The following TPGS2 variants were observed in gnomAD, a reference collection of about 807,000 sequenced individuals.
The protein encoded by TPGS2 is polyglutamylase subunit 2.
TPGS2 carries 26 observed loss-of-function variants against 31.1 expected under a neutral mutation model. The observed-to-expected ratio is 0.84, with a 90% CI of 0.61 to 1.16. TPGS2 has a LOEUF of 1.16. TPGS2 is among the 50% of genes most tolerant of loss of function. The probability of loss-of-function intolerance (pLI) is 0.00; values close to 1 mark genes in which losing one functional copy is unlikely to be tolerated. For synonymous variants in TPGS2, 130 were observed against 136.6 expected, an observed-to-expected ratio of 0.95 and a Z score of 0.34; for missense variants, 351 against 363.8, an observed-to-expected ratio of 0.96 and a Z score of 0.29.
intron 2 of TPGS2, among the ~76,000 whole-genome samples, chr18:36,808,950 C>T (rs1025638693): frequency 6.6e-6 from 1 of 152,138 alleles, no homozygotes; most frequent in Non-Finnish European, 1.5e-5. Flanking sequence ...CCTAGAGTGA[C>T]TTCTTGATGT....
downstream of TPGS2, among the ~76,000 whole-genome samples, chr18:36,791,985 G>A (rs890779686): frequency 1.4e-5 from 2 of 145,994 alleles, no homozygotes. Flanking sequence ...CCATGATTGC[G>A]CCACTGCACT....
chr18:36,826,347 T>C (rs187971111), intron 1 of TPGS2, among the ~76,000 whole-genome samples: 109 of 152,250 alleles, frequency 7.2e-4, no homozygotes, highest in South Asian at 5.6e-3. Flanking sequence ...TTCAATACTA[T>C]TGTAAATTGA....
intron 1 of TPGS2, among the ~76,000 whole-genome samples, chr18:36,822,886 G>A (rs367671682): frequency 3.2e-4 from 49 of 152,252 alleles, no homozygotes; most frequent in African/African-American, 9.4e-4. Flanking sequence ...GGCATGAGCC[G>A]CAGTGCCCAG....
intron 1 of TPGS2, among the ~76,000 whole-genome samples, chr18:36,825,086 T>G (rs2099527095): frequency 1.3e-5 from 2 of 152,194 alleles, no homozygotes; most frequent in South Asian, 4.1e-4. Context: ...TCCAGAACCA[T>G]TTGTTGAAAA....
chr18:36,798,303 G>A lies in TPGS2; in HGVS notation c.657+146C>T, dbSNP rs761431054. On this transcript the variant is annotated intron_variant, in intron 6 of 6. Transcript: ENST00000334295. The stretch of plus-strand genomic sequence containing the variant: ...GTGAGGCTGTCCATTGGAATCATCT[G>A]TCTTGCTTATTGAAAATGCAGGTTC... 1.4e-4 allele frequency: 206 copies of A among 1,492,292 alleles called. 1 individual carries two copies. In the Middle Eastern group the frequency reaches 2.5e-3, roughly 18 times the overall value. 92.4% of individuals were successfully genotyped at this position (1,492,292 alleles called of 1,614,324 possible).
At chr18:36,826,306 T>G (rs2046131101) in intron 1 of TPGS2, among the ~76,000 whole-genome samples, 1 of 152,200 alleles carries the variant, frequency 6.6e-6, no homozygotes. Context: ...ATTACAGGTG[T>G]GAGCCACTGT....
rs1170073829 is a variant in TPGS2, at chr18:36,794,485, G to A, written c.*2320C>T. ...TGGAATCCAGGGCTGATTTAGAAAT[G>A]CTGTGATTCGGGGGATCTCCAAGTA... On this transcript the variant is annotated 3_prime_UTR_variant, in exon 7 of 7. Coordinates refer to ENST00000334295, the MANE Select transcript of TPGS2 (RefSeq NM_015476.4). 4 of 985,328 alleles carry A rather than the reference G, an allele frequency of 4.1e-6. No homozygotes were observed. The highest frequency in any genetic ancestry group is 4.8e-6 in the Non-Finnish European group (4 of 829,956). 61.0% of individuals were successfully genotyped at this position (985,328 alleles called of 1,614,324 possible).
rs969749649 is a variant in TPGS2, at chr18:36,795,096, TC to T, written c.*1708del. 15 of 985,334 alleles carry T rather than the reference TC, an allele frequency of 1.5e-5. No individual in the cohort carries two copies. The African/African-American group carries it at 2.6e-4, about 17-fold the overall frequency. The allele number at this position is 985,334 out of a possible 1,614,324, so 61.0% of individuals were successfully genotyped here. Reference sequence around the variant, plus strand: ...GCCCTGATCCTTGAAGGCTAACTCTTCACCTTGGTTTTCCTCAGGGGCTATG... The same window carrying T: ...GCCCTGATCCTTGAAGGCTAACTCTTACCTTGGTTTTCCTCAGGGGCTATG... On this transcript the variant is annotated 3_prime_UTR_variant, in exon 7 of 7. Transcript: ENST00000334295.
In TPGS2 at chr18:36,795,012, C is replaced by T. The variant is rs1600737418; in HGVS notation, c.*1793G>A. On this transcript the variant is annotated 3_prime_UTR_variant, in exon 7 of 7. Transcript: ENST00000334295. ...GTTTATGCTCCCAAAGACTCTTAAG[C>T]GCTGATATTTCAAGACTTTGAACTA... The T allele has an allele frequency of 3.0e-6, 3 of 985,350 alleles. No homozygotes were observed. The highest frequency in any genetic ancestry group is 3.6e-6 in the Non-Finnish European group (3 of 829,934). 61.0% of individuals were successfully genotyped at this position (985,350 alleles called of 1,614,324 possible).
chr18:36,810,106 A>C (rs1468669747), intron 2 of TPGS2, among the ~76,000 whole-genome samples: 2 of 152,196 alleles, frequency 1.3e-5, no homozygotes, highest in African/African-American at 4.8e-5. Flanking sequence ...CTGTCATTCT[A>C]ATTTAAACGA....
Position 36,795,807 on chromosome 18 carries a change from G to C in TPGS2, c.*998C>G. ...TTGTCCTAAGGATGGCCAGGGACCA[G>C]GCAAAGTGAGGCTGGACAACTCAGA... On this transcript the variant is annotated 3_prime_UTR_variant, in exon 7 of 7. Transcript: ENST00000334295. 6.1e-6 allele frequency: 6 copies of C among 985,476 alleles called. No individual in the cohort carries two copies. The highest frequency in any genetic ancestry group is 7.2e-6 in the Non-Finnish European group (6 of 829,954). 61.0% of individuals were successfully genotyped at this position (985,476 alleles called of 1,614,324 possible).
chr18:36,794,976 T>C lies in TPGS2; in HGVS notation c.*1829A>G, dbSNP rs888620021. 1.0e-6 allele frequency: 1 copy of C among 985,200 alleles called. No individual in the cohort carries two copies. The highest frequency in any genetic ancestry group is 1.7e-5 in the African/African-American group (1 of 57,182). The allele number at this position is 985,200 out of a possible 1,614,324, so 61.0% of individuals were successfully genotyped here. A position where few individuals can be genotyped will look rare whatever the true frequency, so the allele number is the denominator to read the frequency against. On this transcript the variant is annotated 3_prime_UTR_variant, in exon 7 of 7. Transcript: ENST00000334295. ...TTAAAGCAAATGAAGAAGCTGTTAA[T>C]ACGAAGCTCAGTTTATGCTCCCAAA...
chr18:36,793,376 T>A (rs1460486876), downstream of TPGS2, among the ~76,000 whole-genome samples: 1 of 152,166 alleles, frequency 6.6e-6, no homozygotes, highest in African/African-American at 2.4e-5. Context: ...GCATCTTATA[T>A]CTATAACTGA....
chr18:36,811,828 AAG>A (rs1378367184), intron 2 of TPGS2, among the ~76,000 whole-genome samples: 2 of 152,224 alleles, frequency 1.3e-5, no homozygotes, highest in Non-Finnish European at 2.9e-5. Context: ...TAGAAACAGA[AAG>A]AGAAATGAGG....
chr18:36,798,421 T>G, intron 6 of TPGS2, 28 bp downstream of exon 6: 1 of 1,613,964 alleles, frequency 6.2e-7, no homozygotes, highest in Middle Eastern at 1.7e-4. Context: ...TATACCATAG[T>G]TTACAATGGC....
chr18:36,785,878 C>T (rs2044114449), intron 6 of TPGS2, among the ~76,000 whole-genome samples: 1 of 152,130 alleles, frequency 6.6e-6, no homozygotes, highest in African/African-American at 2.4e-5. Flanking sequence ...AAGACAGGCA[C>T]TTTGAGGGAC....
chr18:36,781,350 T>C (rs540155753), downstream of TPGS2, among the ~76,000 whole-genome samples: 2 of 152,276 alleles, frequency 1.3e-5, no homozygotes, highest in South Asian at 4.1e-4. Context: ...TCCACCTTTG[T>C]CCTACTTTTA....
At chr18:36,828,379 G>A (rs1212941702) in intron 1 of TPGS2, among the ~76,000 whole-genome samples, 1 of 152,102 alleles carries the variant, frequency 6.6e-6, no homozygotes, top group Non-Finnish European at 1.5e-5. Flanking sequence ...CTTCCCAACC[G>A]TCAGGTGCTT....
chr18:36,819,034 T>C, intron 1 of TPGS2, 61 bp from the exon 2 acceptor site: 1 of 1,383,202 alleles, frequency 7.2e-7, no homozygotes, highest in South Asian at 1.2e-5. Context: ...ATTTCTACGC[T>C]AGTTGTTGAC....
Sources: gnomAD v4.1 joint callset for allele counts (sites outside exome capture counted in the v4.1 genomes callset) on GRCh38, gnomAD v4.1.1 for gene constraint, MANE v1.5 for transcripts, NCBI Gene and HGNC (gene_info 2026-07-23, HGNC 2026-07-21) for gene names.